Variants in TRIM44 observed in about 807,000 individuals in gnomAD.
TRIM44 encodes tripartite motif containing 44.
TRIM44 carries 13 observed loss-of-function variants against 37.4 expected under a neutral mutation model. The observed-to-expected ratio is 0.35, with a 90% CI of 0.23 to 0.55. The LOEUF is 0.55. Ranked by LOEUF, TRIM44 falls within the 20% of genes least tolerant of loss-of-function variation. TRIM44 has a pLI of 0.89. For missense variants in TRIM44, 426 were observed against 437.2 expected (o/e 0.97, Z 0.23); for synonymous variants, 175 against 157.2 (o/e 1.11, Z -0.85).
At chr11:35,745,550 A>G (rs1021506104) in intron 4 of TRIM44, among the ~76,000 whole-genome samples, 1 of 152,224 alleles carries the variant, frequency 6.6e-6, no homozygotes, top group Admixed American at 6.5e-5. Flanking sequence ...AAGTGAAATG[A>G]TGTATAACGA....
chr11:35,685,716 T>G (rs1235046006), intron 2 of TRIM44, among the ~76,000 whole-genome samples: 2 of 151,898 alleles, frequency 1.3e-5, no homozygotes, highest in Admixed American at 1.3e-4. Context: ...CAGGCTGGAG[T>G]GCAGTGGCGC....
chr11:35,730,292 A>C (rs923432477), intron 3 of TRIM44, among the ~76,000 whole-genome samples: 2 of 152,228 alleles, frequency 1.3e-5, no homozygotes, highest in Non-Finnish European at 2.9e-5. Flanking sequence ...ATACTGATCC[A>C]ATCTAAACAG....
chr11:35,690,975 C>T (rs758450085), intron 2 of TRIM44, among the ~76,000 whole-genome samples: 1 of 152,172 alleles, frequency 6.6e-6, no homozygotes, highest in Non-Finnish European at 1.5e-5. Context: ...GCATCCCTAG[C>T]AATGTGACCC....
chr11:35,807,018 G>A lies in TRIM44; in HGVS notation c.*633G>A, dbSNP rs1358269404. On this transcript the variant is annotated 3_prime_UTR_variant, in exon 5 of 5. Transcript: ENST00000299413. ...GACTTGATATTCATAATTCAGTGCT[G>A]TGGAAATGAAAAAAATGATTGAAGA... is the stretch of plus-strand genomic sequence containing the variant. 2 of 152,080 alleles carry A rather than the reference G, an allele frequency of 1.3e-5. No homozygotes were observed. The highest frequency in any genetic ancestry group is 2.9e-5 in the Non-Finnish European group (2 of 68,016). 9.4% of individuals were successfully genotyped at this position (152,080 alleles called of 1,614,324 possible). A position where few individuals can be genotyped will look rare whatever the true frequency, so the allele number is the denominator to read the frequency against.
At chr11:35,735,601 CCCGTCT>C (rs1371917433) in intron 4 of TRIM44, among the ~76,000 whole-genome samples, 156 bp downstream of exon 4, 1 of 152,136 alleles carries the variant, frequency 6.6e-6, no homozygotes, top group Admixed American at 6.6e-5. Flanking sequence ...TTGTAAGACT[CCCGTCT>C]CCCTCTCATC....
intron 1 of TRIM44, among the ~76,000 whole-genome samples, chr11:35,671,337 C>T (rs1590490827): frequency 6.6e-6 from 1 of 152,118 alleles, no homozygotes. Context: ...CTTGTTTCTG[C>T]ATTTCTAAAA....
At chr11:35,756,387 A>C (rs535169000) in intron 4 of TRIM44, among the ~76,000 whole-genome samples, 1 of 152,214 alleles carries the variant, frequency 6.6e-6, no homozygotes, top group African/African-American at 2.4e-5. Context: ...GTTGCCTATC[A>C]GCTTAAGGAG....
chr11:35,781,126 C>A (rs1853059872), intron 4 of TRIM44, among the ~76,000 whole-genome samples: 1 of 152,100 alleles, frequency 6.6e-6, no homozygotes, highest in African/African-American at 2.4e-5. Context: ...CCAAGGAGGT[C>A]ACTTTTGAGC....
chr11:35,797,137 A>G (rs1162212695), intron 4 of TRIM44, among the ~76,000 whole-genome samples: 3 of 148,400 alleles, frequency 2.0e-5, no homozygotes, highest in Non-Finnish European at 2.9e-5. Flanking sequence ...AAACAAAAAC[A>G]AAACAAAAAA....
At chr11:35,694,202 CT>C (rs1474476575) in intron 2 of TRIM44, among the ~76,000 whole-genome samples, 1 of 152,130 alleles carries the variant, frequency 6.6e-6, no homozygotes, top group Admixed American at 6.6e-5. Context: ...TAACCATAGC[CT>C]TTACAGAAGA....
chr11:35,725,873 T>C (rs1226068716), intron 2 of TRIM44, 51 bp from the exon 3 acceptor site: 3 of 1,596,158 alleles, frequency 1.9e-6, no homozygotes, highest in Non-Finnish European at 2.6e-6. Flanking sequence ...CTCTGCCCTT[T>C]TGTTTCTTTG....
At chr11:35,696,846 CA>C (rs35624288) in intron 2 of TRIM44, among the ~76,000 whole-genome samples, 36,848 of 131,520 alleles carry the variant, frequency 0.28, 5,976 homozygotes, top group African/African-American at 0.48. Flanking sequence ...AAACTCTGTC[CA>C]AAAAAAAAAA....
At position 35,811,852 on chromosome 11, in the gene TRIM44, CAA is replaced by C. The variant is rs959237951; in HGVS notation, c.*5468_*5469del. On this transcript the variant is annotated 3_prime_UTR_variant, in exon 5 of 5. Transcript: ENST00000299413. ...GTGTGAGAACCTTGAGAAAATTGTC[CAA>C]GAGAGGGAGATAAGTCACTCAAGGT... The C allele has an allele frequency of 5.9e-5, 9 of 152,176 alleles. No individual in the cohort carries two copies. Among genetic ancestry groups the C allele is most frequent in the African/African-American group, 1.7e-4 (7 of 41,528 alleles). The allele number at this position is 152,176 out of a possible 1,614,324, so 9.4% of individuals were successfully genotyped here. A position where few individuals can be genotyped will look rare whatever the true frequency, so the allele number is the denominator to read the frequency against.
At chr11:35,778,559 G>A (rs1009553260) in intron 4 of TRIM44, among the ~76,000 whole-genome samples, 3 of 152,042 alleles carry the variant, frequency 2.0e-5, no homozygotes, top group East Asian at 1.9e-4. Context: ...AGAATTTTTC[G>A]ATTTTCTGCT....
intron 2 of TRIM44, among the ~76,000 whole-genome samples, chr11:35,694,217 C>T (rs1015531886): frequency 3.9e-5 from 6 of 152,120 alleles, no homozygotes; most frequent in African/African-American, 1.2e-4. Flanking sequence ...CAGAAGAATC[C>T]GCTATAGAGC....
At position 35,761,241 on chromosome 11, in the gene TRIM44, ATTTATC is replaced by A. The variant is rs567384983; in HGVS notation, c.1007+25800_1007+25805del. ...CCACATCTTGGCTATTGCAAGTATA[ATTTATC>A]TTTGGACTTACCACTTCTCTATTTG... On this transcript the variant is annotated intron_variant, in intron 4 of 4. Transcript: ENST00000299413. Among the ~76,000 whole-genome samples, 281 of 152,292 alleles carry A rather than the reference ATTTATC, an allele frequency of 1.8e-3. 2 individuals carry two copies. The highest frequency in any genetic ancestry group is 6.5e-3 in the African/African-American group (270 of 41,550).
At chr11:35,793,015 TC>T (rs1853234409) in intron 4 of TRIM44, among the ~76,000 whole-genome samples, 2 of 152,238 alleles carry the variant, frequency 1.3e-5, no homozygotes, top group African/African-American at 4.8e-5. Context: ...CGAGATTCTG[TC>T]CTAAGTTCAG....
At chr11:35,756,823 T>C (rs1010445962) in intron 4 of TRIM44, among the ~76,000 whole-genome samples, 4 of 152,266 alleles carry the variant, frequency 2.6e-5, no homozygotes, top group African/African-American at 9.6e-5. Flanking sequence ...GATGTGCGTA[T>C]GTGGAACCAG....
At chr11:35,762,733 G>A (rs1422256373) in intron 4 of TRIM44, among the ~76,000 whole-genome samples, 3 of 152,140 alleles carry the variant, frequency 2.0e-5, no homozygotes, top group Non-Finnish European at 4.4e-5. Context: ...AAGAATTTTG[G>A]CTTTGGGGTT....
Sources: allele counts gnomAD v4.1 joint callset (sites outside exome capture counted in the v4.1 genomes callset), GRCh38; gene constraint gnomAD v4.1.1; transcripts MANE v1.5; gene names NCBI Gene and HGNC (gene_info 2026-07-23, HGNC 2026-07-21).